IL1RAPL1: variants seen among roughly 807,000 people sequenced by gnomAD.
IL1RAPL1 encodes interleukin 1 receptor accessory protein like 1.
In IL1RAPL1, 3 loss-of-function variants were observed where a neutral mutation model predicts 48.4. The observed-to-expected ratio is 0.06, with a 90% CI of 0.03 to 0.16. IL1RAPL1 has a LOEUF of 0.16. Ranked by LOEUF, IL1RAPL1 falls within the 10% of genes least tolerant of loss-of-function variation. IL1RAPL1 has a pLI of 1.00. For missense variants in IL1RAPL1, 349 were observed against 530.6 expected, an observed-to-expected ratio of 0.66 and a Z score of 3.36; for synonymous variants, 185 against 187.7, an observed-to-expected ratio of 0.99 and a Z score of 0.12.
chrX:28,626,003 T>G (rs1247152098), intron 1 of IL1RAPL1, among the ~76,000 whole-genome samples: 2 of 112,134 alleles, frequency 1.8e-5, no homozygotes, highest in African/African-American at 3.2e-5. Flanking sequence ...TAATAATTTA[T>G]TTTTCTTGTA....
intron 2 of IL1RAPL1, among the ~76,000 whole-genome samples, chrX:28,936,613 CATATT>C (rs1460019105): frequency 9.1e-6 from 1 of 109,883 alleles, no homozygotes; most frequent in Non-Finnish European, 1.9e-5. Context: ...TGATATAAAT[CATATT>C]ATGGTGATGC....
chrX:29,602,070 G>T (rs1312124285), intron 5 of IL1RAPL1, among the ~76,000 whole-genome samples: 1 of 111,227 alleles, frequency 9.0e-6, no homozygotes, highest in African/African-American at 3.3e-5. Context: ...TGCAACCTCT[G>T]CCTCCCAGGT....
At chrX:29,374,853 C>T (rs937107895) in intron 3 of IL1RAPL1, among the ~76,000 whole-genome samples, 1 of 110,765 alleles carries the variant, frequency 9.0e-6, no homozygotes, top group Non-Finnish European at 1.9e-5. Flanking sequence ...AGGGAATGAG[C>T]CCAGAGGAAG....
intron 2 of IL1RAPL1, among the ~76,000 whole-genome samples, chrX:28,826,081 T>A (rs955966651): frequency 1.8e-5 from 2 of 111,910 alleles, no homozygotes; most frequent in African/African-American, 6.5e-5. Flanking sequence ...ATTTGTTGGT[T>A]GCAAAGTTCT....
intron 8 of IL1RAPL1, among the ~76,000 whole-genome samples, chrX:29,940,926 C>A (rs930693346): frequency 9.0e-6 from 1 of 111,015 alleles, no homozygotes; most frequent in Non-Finnish European, 1.9e-5. Flanking sequence ...ACTGTCCCAT[C>A]CACTAGGAGG....
In IL1RAPL1 at chrX:29,954,235, C is replaced by CAA. The variant is rs34345826; in HGVS notation, c.1202-260_1202-259dup. 1.0e-2 allele frequency among the ~76,000 whole-genome samples: 303 copies of CAA among 30,410 alleles called. 23 individuals are homozygous for CAA. Among genetic ancestry groups the CAA allele is most frequent in the East Asian group, 0.043 (40 of 941 alleles). 26.4% of individuals were successfully genotyped at this position (30,410 alleles called of 115,157 possible). On this transcript the variant is annotated intron_variant, in intron 9 of 10. Coordinates refer to ENST00000378993, the MANE Select transcript of IL1RAPL1 (RefSeq NM_014271.4). ...TGGACAACTGAGCAAGACTGTGTCC[C>CAA]AAAAAAAAAAAAAAAAAAAAAAAAA...
chrX:29,003,275 C>T (rs16988408), intron 2 of IL1RAPL1, among the ~76,000 whole-genome samples: 2,374 of 110,883 alleles, frequency 0.021, 52 homozygotes, highest in African/African-American at 0.073. Flanking sequence ...TCATCTAGCC[C>T]GATTTACTAG....
At chrX:28,861,198 G>A (rs1259619838) in intron 2 of IL1RAPL1, among the ~76,000 whole-genome samples, 1 of 111,457 alleles carries the variant, frequency 9.0e-6, no homozygotes, top group Non-Finnish European at 1.9e-5. Flanking sequence ...TGTCAAAAGG[G>A]CGCTCAATAT....
intron 6 of IL1RAPL1, among the ~76,000 whole-genome samples, chrX:29,797,368 C>G (rs1292095066): frequency 8.9e-6 from 1 of 112,030 alleles, no homozygotes; most frequent in Non-Finnish European, 1.9e-5. Flanking sequence ...CTTGGCAGAA[C>G]TGTTCTGAGA....
At chrX:29,516,233 A>G (rs1308953570) in intron 5 of IL1RAPL1, among the ~76,000 whole-genome samples, 2 of 112,175 alleles carry the variant, frequency 1.8e-5, no homozygotes, top group African/African-American at 6.5e-5. Context: ...TTGTGAAAAA[A>G]TTATCTTGAT....
intron 5 of IL1RAPL1, among the ~76,000 whole-genome samples, chrX:29,536,670 T>C (rs943838964): frequency 1.8e-5 from 2 of 110,724 alleles, no homozygotes; most frequent in Non-Finnish European, 3.8e-5. Context: ...TTAAACATAT[T>C]TTGAACTAAG....
intron 2 of IL1RAPL1, among the ~76,000 whole-genome samples, chrX:29,104,671 T>A (rs1474169909): frequency 9.0e-6 from 1 of 111,245 alleles, no homozygotes; most frequent in Non-Finnish European, 1.9e-5. Context: ...GTGATAGATA[T>A]CTCATTTACT....
chrX:28,734,251 A>G (rs7056713), intron 1 of IL1RAPL1, among the ~76,000 whole-genome samples: 2,902 of 111,622 alleles, frequency 0.026, 100 homozygotes, highest in African/African-American at 0.09. Flanking sequence ...AAATCCTGTC[A>G]GTCCTCACCT....
At chrX:29,445,018 G>A (rs895099696) in intron 5 of IL1RAPL1, among the ~76,000 whole-genome samples, 6 of 112,446 alleles carry the variant, frequency 5.3e-5, no homozygotes, top group East Asian at 5.6e-4. Flanking sequence ...CTTTCTTCAC[G>A]TTAGCCCTGT....
chrX:29,130,110 A>G (rs942481196), intron 2 of IL1RAPL1, among the ~76,000 whole-genome samples: 1 of 111,534 alleles, frequency 9.0e-6, no homozygotes, highest in East Asian at 2.8e-4. Context: ...CTTACGAGGG[A>G]TGATACAAAG....
intron 5 of IL1RAPL1, among the ~76,000 whole-genome samples, chrX:29,613,712 C>CATGT (rs1555907906): frequency 1.7e-5 from 1 of 58,814 alleles, no homozygotes; most frequent in Non-Finnish European, 3.0e-5. Flanking sequence ...GGGTTTTTTT[C>CATGT]GTGTGTGTGT....
At chrX:29,922,541 T>A (rs1569204371) in intron 8 of IL1RAPL1, among the ~76,000 whole-genome samples, 2 of 111,813 alleles carry the variant, frequency 1.8e-5, no homozygotes, top group African/African-American at 6.5e-5. Context: ...CACCAATGGA[T>A]GCAATTTCCT....
chrX:29,650,280 A>G (rs1366681611), intron 5 of IL1RAPL1, among the ~76,000 whole-genome samples: 3 of 112,030 alleles, frequency 2.7e-5, no homozygotes, highest in Admixed American at 9.5e-5. Flanking sequence ...AAAGAATCCA[A>G]TAGGTTTTAT....
intron 6 of IL1RAPL1, 39 bp downstream of exon 6, chrX:29,668,543 G>GTTACATTGTGACAGTTAATAAGCCTA: frequency 1.0e-6 from 1 of 954,408 alleles, no homozygotes; most frequent in Non-Finnish European, 1.5e-6. Context: ...TGCTGCTCTC[G>GTTACATTGTGACAGTTAATAAGCCTA]TTACATTGTG....
Sources: allele counts gnomAD v4.1 joint callset (sites outside exome capture counted in the v4.1 genomes callset), GRCh38; gene constraint gnomAD v4.1.1; transcripts MANE v1.5; gene names NCBI Gene and HGNC (gene_info 2026-07-23, HGNC 2026-07-21).